UBE2Z: variants seen among roughly 807,000 people sequenced by gnomAD.
UBE2Z encodes the protein ubiquitin conjugating enzyme E2 Z.
UBE2Z carries 10 observed loss-of-function variants against 32.6 expected under a neutral mutation model. That is an observed-to-expected ratio of 0.31 (90% CI 0.19 to 0.52). UBE2Z has a LOEUF of 0.52. Ranked by LOEUF, UBE2Z falls within the 20% of genes least tolerant of loss-of-function variation. The probability of loss-of-function intolerance (pLI) is 0.97; values close to 1 mark genes in which losing one functional copy is unlikely to be tolerated. For missense variants in UBE2Z, 343 were observed against 480.9 expected (o/e 0.71, Z 2.68); for synonymous variants, 183 against 190.8 (o/e 0.96, Z 0.34).
rs774491574 is a variant in UBE2Z, at chr17:48,922,834, G to A, written c.804-13G>A. The A allele has an allele frequency of 8.1e-6, 13 of 1,605,888 alleles. No individual in the cohort carries two copies. Among genetic ancestry groups the A allele is most frequent in the African/African-American group, 1.3e-5 (1 of 74,618 alleles). ...CTGGGTTTCTCACTTACACTTTTCT[G>A]CTTGTTTTCCAGAGGGGTGATGGAG... On this transcript the variant is annotated splice_polypyrimidine_tract_variant and intron_variant, in intron 5 of 6. Coordinates refer to ENST00000360943, the MANE Select transcript of UBE2Z (RefSeq NM_023079.5).
chr17:48,917,532 G>A (rs1452669062), intron 4 of UBE2Z, among the ~76,000 whole-genome samples: 1 of 152,058 alleles, frequency 6.6e-6, no homozygotes, highest in East Asian at 1.9e-4. Flanking sequence ...GGGTTATGAA[G>A]GACTGTTACC....
intron 2 of UBE2Z, chr17:48,911,712 C>T (rs1213471726): frequency 6.6e-6 from 1 of 152,074 alleles, no homozygotes; most frequent in Non-Finnish European, 1.5e-5. Context: ...GACATCTCGT[C>T]CTCAGTCAAG....
intron 2 of UBE2Z, chr17:48,911,280 G>A (rs1445823169): frequency 5.4e-6 from 1 of 183,648 alleles, no homozygotes; most frequent in Non-Finnish European, 1.2e-5. Context: ...TAAATCAGAT[G>A]TAGGGAAGGT....
rs1282445594 is a variant in UBE2Z, at chr17:48,908,479, G to A, written c.-25G>A. ...CGCTCTGGTCGGCGGACGTGCTGCC[G>A]AGTAGTCCCGGAAGCGAAGCAGCGA... On this transcript the variant is annotated 5_prime_UTR_variant, in exon 1 of 7. Transcript: ENST00000360943. The A allele has an allele frequency of 2.4e-6, 3 of 1,231,180 alleles. No homozygotes were observed. Among genetic ancestry groups the A allele is most frequent in the Non-Finnish European group, 3.0e-6 (3 of 987,110 alleles). The allele number at this position is 1,231,180 out of a possible 1,614,324, so 76.3% of individuals were successfully genotyped here.
At chr17:48,915,864 T>TCCCC (rs1555580005) in intron 3 of UBE2Z, 1 of 342,786 alleles carries the variant, frequency 2.9e-6, no homozygotes, top group African/African-American at 4.8e-5. Context: ...CCTGTTCTTT[T>TCCCC]GCCCCCCCCC....
intron 4 of UBE2Z, among the ~76,000 whole-genome samples, chr17:48,920,184 C>A (rs1376716416): frequency 6.6e-6 from 1 of 151,760 alleles, no homozygotes; most frequent in Non-Finnish European, 1.5e-5. Context: ...CAAGAGCCTG[C>A]CTCTTAAAAA....
At chr17:48,909,713 C>G in intron 1 of UBE2Z, among the ~76,000 whole-genome samples, 1 of 152,162 alleles carries the variant, frequency 6.6e-6, no homozygotes, top group Non-Finnish European at 1.5e-5. Context: ...AGAATAGTAC[C>G]TATCGCATAA....
intron 4 of UBE2Z, among the ~76,000 whole-genome samples, chr17:48,917,875 A>G (rs1355111091): frequency 3.3e-5 from 5 of 152,218 alleles, no homozygotes; most frequent in Non-Finnish European, 7.3e-5. Flanking sequence ...GAGCACGGGA[A>G]AAAGTTCCAG....
intron 5 of UBE2Z, 69 bp from the exon 6 acceptor site, chr17:48,922,778 A>AT (rs2143773745): frequency 1.9e-5 from 23 of 1,204,526 alleles, no homozygotes; most frequent in South Asian, 4.3e-5. Context: ...AAAAAAAAAA[A>AT]GGTTAGGTAA....
intron 2 of UBE2Z, chr17:48,911,744 A>T (rs1194456500): frequency 6.6e-6 from 1 of 152,124 alleles, no homozygotes; most frequent in African/African-American, 2.4e-5. Flanking sequence ...ATAGCCTAGT[A>T]CCTGGGGTCC....
rs143698345 is a variant in UBE2Z, at chr17:48,917,840, C to T, written c.690+1653C>T. 1.6e-4 allele frequency among the ~76,000 whole-genome samples: 24 copies of T among 152,286 alleles called. No homozygotes were observed. The East Asian group carries it at 2.9e-3, about 18-fold the overall frequency. On this transcript the variant is annotated intron_variant, in intron 4 of 6. Coordinates refer to ENST00000360943, the MANE Select transcript of UBE2Z (RefSeq NM_023079.5). Reference sequence around the variant, plus strand: ...TGGAGCCCAACTTCTCCCACTCTTCCGATGTGCCTTCCTGAATTACTCATG... The same window carrying T: ...TGGAGCCCAACTTCTCCCACTCTTCTGATGTGCCTTCCTGAATTACTCATG...
intron 4 of UBE2Z, among the ~76,000 whole-genome samples, chr17:48,919,667 G>A (rs1344272818): frequency 6.6e-6 from 1 of 152,078 alleles, no homozygotes; most frequent in African/African-American, 2.4e-5. Context: ...TTATAGAGAC[G>A]GGATCTCACC....
In UBE2Z at chr17:48,919,758, A is replaced by G. The variant is rs141372119; in HGVS notation, c.691-1402A>G. Among the ~76,000 whole-genome samples, 610 of 152,320 alleles carry G rather than the reference A, an allele frequency of 4.0e-3. 2 individuals are homozygous for G. Among genetic ancestry groups the G allele is most frequent in the Non-Finnish European group, 6.9e-3 (468 of 68,022 alleles). ...TTCCCAAAGTGTCGGGAGTACAGGC[A>G]TGAGCCATCGGGCCCAGCCCTACTT... is the stretch of plus-strand genomic sequence containing the variant. On this transcript the variant is annotated intron_variant, in intron 4 of 6. Coordinates refer to ENST00000360943, the MANE Select transcript of UBE2Z (RefSeq NM_023079.5).
chr17:48,926,168 G>A (rs2040796645), intron 6 of UBE2Z, among the ~76,000 whole-genome samples: 1 of 152,118 alleles, frequency 6.6e-6, no homozygotes, highest in Admixed American at 6.6e-5. Flanking sequence ...ACGAGTCCCT[G>A]GGGAGGAGTA....
intron 5 of UBE2Z, 143 bp downstream of exon 5, chr17:48,921,415 G>T: frequency 1.5e-6 from 1 of 676,264 alleles, no homozygotes; most frequent in Non-Finnish European, 2.5e-6. Context: ...ACAAGTGGCT[G>T]AGGGTTACCC....
intron 1 of UBE2Z, among the ~76,000 whole-genome samples, chr17:48,909,945 C>G (rs1345214560): frequency 6.6e-6 from 1 of 152,166 alleles, no homozygotes; most frequent in Non-Finnish European, 1.5e-5. Context: ...GGATTGCCAC[C>G]TCTAACTGAA....
chr17:48,908,983 T>G, intron 1 of UBE2Z, 163 bp downstream of exon 1: 9 of 313,458 alleles, frequency 2.9e-5, no homozygotes, highest in Non-Finnish European at 4.1e-5. Flanking sequence ...GGGATCCAAC[T>G]CCCTTCTCCC....
intron 3 of UBE2Z, among the ~76,000 whole-genome samples, chr17:48,913,578 C>T (rs7210340): frequency 0.11 from 16,900 of 152,216 alleles, 1,669 homozygotes; most frequent in African/African-American, 0.27. Context: ...TGGTCTCGAT[C>T]TCTTGACCTC....
intron 4 of UBE2Z, among the ~76,000 whole-genome samples, chr17:48,916,933 G>A (rs1318628964): frequency 6.6e-6 from 1 of 151,902 alleles, no homozygotes; most frequent in Non-Finnish European, 1.5e-5. Flanking sequence ...AACCCTGGAG[G>A]CAGAGGTTGC....
Sources: allele counts gnomAD v4.1 joint callset (sites outside exome capture counted in the v4.1 genomes callset), GRCh38; gene constraint gnomAD v4.1.1; transcripts MANE v1.5; gene names NCBI Gene and HGNC (gene_info 2026-07-23, HGNC 2026-07-21).